ANKRD44: variants seen among roughly 807,000 people sequenced by gnomAD.
ANKRD44 encodes serine/threonine-protein phosphatase 6 regulatory ankyrin repeat subunit B.
In ANKRD44, 35 loss-of-function variants were observed where a neutral mutation model predicts 116.0. The ratio of observed to expected loss-of-function variants is 0.30; its 90% CI spans 0.23 to 0.40. The LOEUF (loss-of-function observed/expected upper bound fraction) is 0.40, where lower values mean the gene tolerates loss of function less well. ANKRD44 is among the 10% of genes least tolerant of loss of function. The pLI, the probability that ANKRD44 is intolerant of heterozygous loss-of-function variation, is 1.00. For missense variants in ANKRD44, 1,014 were observed against 1,242.6 expected, an observed-to-expected ratio of 0.82 and a Z score of 2.77; for synonymous variants, 435 against 461.8, an observed-to-expected ratio of 0.94 and a Z score of 0.74.
intron 1 of ANKRD44, among the ~76,000 whole-genome samples, chr2:197,306,552 G>T (rs2084080417): frequency 6.6e-6 from 1 of 152,172 alleles, no homozygotes; most frequent in Non-Finnish European, 1.5e-5. Flanking sequence ...GAAACAACCA[G>T]AAAAGGTTCT....
At chr2:197,067,397 C>A (rs2077457397) in intron 16 of ANKRD44, among the ~76,000 whole-genome samples, 1 of 152,098 alleles carries the variant, frequency 6.6e-6, no homozygotes, top group South Asian at 2.1e-4. Flanking sequence ...TCTAAAACAC[C>A]AAAAGCACCA....
chr2:197,096,026 G>T (rs764331800), intron 10 of ANKRD44, among the ~76,000 whole-genome samples: 1 of 152,084 alleles, frequency 6.6e-6, no homozygotes, highest in African/African-American at 2.4e-5. Context: ...AAAGACTCTT[G>T]CTACCATGAG....
intron 16 of ANKRD44, chr2:197,077,939 G>C (rs2077706837): frequency 1.3e-5 from 2 of 152,010 alleles, no homozygotes; most frequent in Non-Finnish European, 2.9e-5. Flanking sequence ...TTATGGACAG[G>C]AAAAACTCTT....
At chr2:197,049,488 C>T (rs914668452) in intron 16 of ANKRD44, among the ~76,000 whole-genome samples, 1 of 152,140 alleles carries the variant, frequency 6.6e-6, no homozygotes, top group Non-Finnish European at 1.5e-5. Context: ...CCTCCAATAA[C>T]ACCTACACAA....
At chr2:197,102,571 A>G (rs1034314818) in intron 9 of ANKRD44, among the ~76,000 whole-genome samples, 5 of 152,152 alleles carry the variant, frequency 3.3e-5, no homozygotes, top group African/African-American at 1.2e-4. Context: ...ATCTTTTCAT[A>G]TGTTATAGAA....
rs80286679 is a variant in ANKRD44, at chr2:197,045,601, C to T, written c.1651-20334G>A. ...AGCAAGAGAGTCTGAAAGCTCAGGT[C>T]CCTGTTACTCCTCCTCTGTCTAAAG... On this transcript the variant is annotated intron_variant, in intron 16 of 27. Coordinates refer to ENST00000282272, the MANE Select transcript of ANKRD44 (RefSeq NM_001195144.2). Among the ~76,000 whole-genome samples the T allele has an allele frequency of 0.014, 2,110 of 152,284 alleles. 67 individuals are homozygous for T. The East Asian group carries it at 0.15, about 11-fold the overall frequency.
In ANKRD44 at chr2:196,988,268, G is replaced by A. The variant is rs1423493154; in HGVS notation, c.*1323C>T. 24 of 985,354 alleles carry A rather than the reference G, an allele frequency of 2.4e-5. No homozygotes were observed. The highest frequency in any genetic ancestry group is 2.9e-5 in the Non-Finnish European group (24 of 829,932). 61.0% of individuals were successfully genotyped at this position (985,354 alleles called of 1,614,324 possible). On this transcript the variant is annotated 3_prime_UTR_variant, in exon 28 of 28. Coordinates refer to ENST00000282272, the MANE Select transcript of ANKRD44 (RefSeq NM_001195144.2). ...CCATTCACTTCTAGAAAAAGACACC[G>A]CAGCATATTGTGCTTCTTCAACACT...
chr2:197,298,909 C>A (rs910094540), intron 1 of ANKRD44, among the ~76,000 whole-genome samples: 3 of 147,584 alleles, frequency 2.0e-5, no homozygotes, highest in Non-Finnish European at 2.9e-5. Context: ...AGAGTGAGAT[C>A]CTGTTTCAAA....
chr2:197,265,074 T>C (rs2082706688), intron 1 of ANKRD44, among the ~76,000 whole-genome samples: 1 of 152,124 alleles, frequency 6.6e-6, no homozygotes, highest in African/African-American at 2.4e-5. Flanking sequence ...TCCGTCCTCA[T>C]AGAAATATTC....
At chr2:197,307,293 G>A (rs1404184659) in intron 1 of ANKRD44, among the ~76,000 whole-genome samples, 1 of 152,206 alleles carries the variant, frequency 6.6e-6, no homozygotes, top group East Asian at 1.9e-4. Context: ...ACATAGTTGA[G>A]GATGTTCTAT....
chr2:197,159,376 T>A (rs966668808), intron 2 of ANKRD44, among the ~76,000 whole-genome samples: 10 of 152,234 alleles, frequency 6.6e-5, no homozygotes, highest in African/African-American at 2.4e-4. Context: ...TATCTCTGGG[T>A]GAATAATTTT....
intron 9 of ANKRD44, among the ~76,000 whole-genome samples, chr2:197,109,387 C>A (rs2078512925): frequency 1.3e-5 from 2 of 152,138 alleles, no homozygotes; most frequent in Admixed American, 6.5e-5. Flanking sequence ...ATGGGTATTG[C>A]ACGGTTAATT....
chr2:197,029,682 G>C, intron 16 of ANKRD44: 1 of 274,522 alleles, frequency 3.6e-6, no homozygotes, highest in South Asian at 3.4e-5. Flanking sequence ...AGGGTATCCT[G>C]TGTCAGATAC....
At chr2:197,115,519 A>C (rs1346307717) in intron 8 of ANKRD44, among the ~76,000 whole-genome samples, 1 of 152,228 alleles carries the variant, frequency 6.6e-6, no homozygotes, top group Non-Finnish European at 1.5e-5. Context: ...GGAACTGTGA[A>C]ATGCAGGCTG....
intron 17 of ANKRD44, among the ~76,000 whole-genome samples, chr2:197,019,855 G>C (rs2076463665): frequency 6.6e-6 from 1 of 150,448 alleles, no homozygotes; most frequent in Admixed American, 6.6e-5. Flanking sequence ...GGAGTGCAGT[G>C]GTGCCATCTT....
chr2:197,133,389 C>A (rs2079136543), intron 4 of ANKRD44, among the ~76,000 whole-genome samples: 1 of 151,646 alleles, frequency 6.6e-6, no homozygotes, highest in Non-Finnish European at 1.5e-5. Context: ...AGGTGATAGC[C>A]TCACACAGAC....
intron 1 of ANKRD44, among the ~76,000 whole-genome samples, chr2:197,302,016 G>C (rs1255236232): frequency 1.3e-5 from 2 of 152,224 alleles, no homozygotes; most frequent in Non-Finnish European, 2.9e-5. Flanking sequence ...ACCCGAAAGA[G>C]GTAAAGGTGA....
chr2:197,231,432 A>G (rs116803931), intron 1 of ANKRD44, among the ~76,000 whole-genome samples: 1 of 148,122 alleles, frequency 6.8e-6, no homozygotes, highest in Non-Finnish European at 1.5e-5. Flanking sequence ...TTAACTCTTT[A>G]AAAAAAAAAA....
intron 25 of ANKRD44, 94 bp from the exon 26 acceptor site, chr2:196,995,555 G>A: frequency 1.0e-6 from 1 of 958,094 alleles, no homozygotes; most frequent in Admixed American, 2.3e-5. Context: ...GAAAATGAAT[G>A]TCGTCTGCCT....
Sources: allele counts gnomAD v4.1 joint callset (sites outside exome capture counted in the v4.1 genomes callset), GRCh38; gene constraint gnomAD v4.1.1; transcripts MANE v1.5; gene names NCBI Gene and HGNC (gene_info 2026-07-23, HGNC 2026-07-21).